OR14I1: variants seen among roughly 807,000 people sequenced by gnomAD.
OR14I1 encodes the protein olfactory receptor 14I1.
For synonymous variants in OR14I1, 118 were observed against 71.1 expected (o/e 1.66, Z -3.32); for missense variants, 279 against 181.8 (o/e 1.53, Z -3.07).
chr1:248,691,171 T>G, the OR14I1 span, among the ~76,000 whole-genome samples: 2 of 152,158 alleles, frequency 1.3e-5, no homozygotes, highest in African/African-American at 4.8e-5. Context: ...AGCAGTTGGG[T>G]AACAGGAAGA....
At chr1:248,678,170 T>C (rs1002175134), downstream of OR14I1, among the ~76,000 whole-genome samples, 5 of 152,220 alleles carry the variant, frequency 3.3e-5, no homozygotes, top group Non-Finnish European at 5.9e-5. Flanking sequence ...AAATATTTTA[T>C]AGAGCTACTA....
chr1:248,700,200 T>G, the OR14I1 span, among the ~76,000 whole-genome samples: 1 of 152,260 alleles, frequency 6.6e-6, no homozygotes, highest in Non-Finnish European at 1.5e-5. Flanking sequence ...TGTGTTGTTT[T>G]AAATGCTCCC....
chr1:248,698,633 C>T, the OR14I1 span, among the ~76,000 whole-genome samples: 55 of 152,256 alleles, frequency 3.6e-4, no homozygotes, highest in African/African-American at 1.3e-3. Flanking sequence ...AGAAAATATG[C>T]CAATATGTGA....
At chr1:248,689,020 G>T in the OR14I1 span, among the ~76,000 whole-genome samples, 1 of 152,094 alleles carries the variant, frequency 6.6e-6, no homozygotes. Flanking sequence ...GACTGGTATA[G>T]AAATGAAAAA....
At chr1:248,701,270 G>A in the OR14I1 span, among the ~76,000 whole-genome samples, 1 of 152,038 alleles carries the variant, frequency 6.6e-6, no homozygotes, top group African/African-American at 2.4e-5. Context: ...TCCTGCCTCA[G>A]CCTCCCAAGT....
chr1:248,692,243 C>G, the OR14I1 span: 1 of 152,662 alleles, frequency 6.6e-6, no homozygotes, highest in African/African-American at 2.4e-5. Flanking sequence ...TGGGGTCCTC[C>G]CGCATTTCCC....
chr1:248,694,255 C>CA, the OR14I1 span, among the ~76,000 whole-genome samples: 54,003 of 151,924 alleles, frequency 0.36, 12,933 homozygotes, highest in African/African-American at 0.69. Flanking sequence ...TGTAACAAGC[C>CA]TTTTTTTTCG....
At chr1:248,685,403 C>A (rs1558191212), upstream of OR14I1, among the ~76,000 whole-genome samples, 1 of 152,086 alleles carries the variant, frequency 6.6e-6, no homozygotes, top group Non-Finnish European at 1.5e-5. Context: ...CTCAACCAAA[C>A]AACCAAGAAT....
At chr1:248,680,177 T>C (rs1366480968), downstream of OR14I1, among the ~76,000 whole-genome samples, 1 of 152,166 alleles carries the variant, frequency 6.6e-6, no homozygotes, top group Non-Finnish European at 1.5e-5. Flanking sequence ...GCAATAAACA[T>C]CTATTACATT....
At chr1:248,697,833 C>CTGT in the OR14I1 span, among the ~76,000 whole-genome samples, 2 of 152,096 alleles carry the variant, frequency 1.3e-5, no homozygotes, top group African/African-American at 2.4e-5. Flanking sequence ...CTTTTTTCCT[C>CTGT]TGTTGTTGTT....
chr1:248,699,996 G>A, the OR14I1 span, among the ~76,000 whole-genome samples: 2 of 152,138 alleles, frequency 1.3e-5, no homozygotes, highest in South Asian at 2.1e-4. Context: ...TCCTGACCTC[G>A]TGATCCGCCT....
At chr1:248,679,208 G>A (rs986428363), downstream of OR14I1, among the ~76,000 whole-genome samples, 3 of 152,110 alleles carry the variant, frequency 2.0e-5, no homozygotes, top group Non-Finnish European at 4.4e-5. Context: ...AGGAGAAGCT[G>A]GGTGAGCACT....
chr1:248,695,376 G>A, the OR14I1 span, among the ~76,000 whole-genome samples: 2 of 151,690 alleles, frequency 1.3e-5, no homozygotes, highest in Non-Finnish European at 2.9e-5. Context: ...TGGGACTACA[G>A]GCGCCCGCCA....
chr1:248,697,477 TAAAAA>T, the OR14I1 span, among the ~76,000 whole-genome samples: 9 of 127,692 alleles, frequency 7.0e-5, no homozygotes, highest in African/African-American at 2.0e-4. Flanking sequence ...TGGTTAGGTT[TAAAAA>T]AAAAAAAAAA....
At chr1:248,699,128 G>A in the OR14I1 span, 1 of 152,168 alleles carries the variant, frequency 6.6e-6, no homozygotes, top group Admixed American at 6.5e-5. Flanking sequence ...TTTCATGAGT[G>A]TTAATTTCTC....
chr1:248,686,802 C>A (rs994813022), upstream of OR14I1, among the ~76,000 whole-genome samples: 1 of 119,550 alleles, frequency 8.4e-6, no homozygotes, highest in African/African-American at 2.9e-5. Context: ...AATATGTATT[C>A]ACTGTCTGGA....
At chr1:248,682,362 A>T (rs1661583421), upstream of OR14I1, 1 of 674,784 alleles carries the variant, frequency 1.5e-6, no homozygotes, top group Admixed American at 2.4e-5. Flanking sequence ...GTTTTAAATG[A>T]GACAAAAAGT....
chr1:248,702,190 A>C, the OR14I1 span, among the ~76,000 whole-genome samples: 2 of 152,284 alleles, frequency 1.3e-5, no homozygotes, highest in South Asian at 4.2e-4. Flanking sequence ...ACGGTCCCCC[A>C]AGTCTTAACT....
At chr1:248,695,177 A>G in the OR14I1 span, among the ~76,000 whole-genome samples, 7 of 152,070 alleles carry the variant, frequency 4.6e-5, no homozygotes, top group South Asian at 1.5e-3. Context: ...TTTAATTTTC[A>G]AAATTACTTT....
Sources: allele counts gnomAD v4.1 joint callset (sites outside exome capture counted in the v4.1 genomes callset), GRCh38; gene constraint gnomAD v4.1.1; transcripts MANE v1.5; gene names NCBI Gene and HGNC (gene_info 2026-07-23, HGNC 2026-07-21).